The following PAMR1 variants were observed in gnomAD, a reference collection of about 807,000 sequenced individuals.
The protein encoded by PAMR1 is peptidase domain containing associated with muscle regeneration 1, also known as inactive serine protease PAMR1.
PAMR1 carries 88 observed loss-of-function variants against 81.8 expected under a neutral mutation model. The ratio of observed to expected loss-of-function variants is 1.08; its 90% CI spans 0.91 to 1.28. The LOEUF is 1.28. Among genes scored for constraint, PAMR1 ranks in the 50% most tolerant of loss-of-function variants. PAMR1 has a pLI of 0.00. For synonymous variants in PAMR1, 336 were observed against 345.3 expected (o/e 0.97, Z 0.30); for missense variants, 935 against 919.7 (o/e 1.02, Z -0.21).
intron 6 of PAMR1, among the ~76,000 whole-genome samples, chr11:35,461,767 C>T (rs1214939042): frequency 6.6e-6 from 1 of 152,118 alleles, no homozygotes. Flanking sequence ...ATTACAGATT[C>T]ATTTCATATT....
intron 9 of PAMR1, among the ~76,000 whole-genome samples, chr11:35,435,232 T>C (rs1425758607): frequency 6.6e-6 from 1 of 152,178 alleles, no homozygotes; most frequent in Non-Finnish European, 1.5e-5. Flanking sequence ...CTAAATCATA[T>C]TGTTCTCCTT....
intron 3 of PAMR1, among the ~76,000 whole-genome samples, chr11:35,488,257 T>G (rs1337292604): frequency 1.3e-5 from 2 of 149,382 alleles, no homozygotes; most frequent in African/African-American, 5.0e-5. Context: ...GCTCTGTTGT[T>G]TAGGCTGGAA....
intron 1 of PAMR1, among the ~76,000 whole-genome samples, chr11:35,506,993 T>G (rs569777919): frequency 4.0e-5 from 6 of 151,242 alleles, no homozygotes; most frequent in Non-Finnish European, 8.8e-5. Context: ...CAAATCATCT[T>G]TGTTCCTTTT....
intron 8 of PAMR1, among the ~76,000 whole-genome samples, chr11:35,436,472 A>G (rs1384616584): frequency 6.6e-6 from 1 of 152,072 alleles, no homozygotes; most frequent in Non-Finnish European, 1.5e-5. Flanking sequence ...TGTAGTAGAG[A>G]TGGGTTTTCA....
At chr11:35,462,718 A>G (rs539867341) in intron 6 of PAMR1, among the ~76,000 whole-genome samples, 20 of 152,316 alleles carry the variant, frequency 1.3e-4, no homozygotes, top group African/African-American at 4.8e-4. Context: ...AAACACCCTA[A>G]GAGGAATTTG....
At position 35,468,080 on chromosome 11, in the gene PAMR1, G is replaced by A. The variant is rs564405139; in HGVS notation, c.741C>T (p.Asp247=). The A allele has an allele frequency of 1.1e-4, 178 of 1,555,188 alleles. No homozygotes were observed. Among genetic ancestry groups the A allele is most frequent in the African/African-American group, 5.2e-4 (38 of 73,544 alleles). The change falls in exon 6 of 11, where the codon GAC becomes GAT. Residue 247 remains aspartate, a synonymous_variant. Coordinates refer to ENST00000619888, the MANE Select transcript of PAMR1 (RefSeq NM_001001991.3). Reference sequence around the variant, plus strand: ...CAGCCTTGTCAAGGACGCACGTGCCGTCATGGAAACAAGGGGATGAGGAGC... The same window carrying A: ...CAGCCTTGTCAAGGACGCACGTGCCATCATGGAAACAAGGGGATGAGGAGC... ...TACSSSPCFH[D]GTCVLDKAGS... is the part of the protein sequence containing the mutation.
intron 3 of PAMR1, among the ~76,000 whole-genome samples, chr11:35,477,906 C>T (rs1261501893): frequency 6.6e-6 from 1 of 152,180 alleles, no homozygotes; most frequent in Non-Finnish European, 1.5e-5. Context: ...ACACCTCACA[C>T]TCCTCATCGC....
chr11:35,473,709 C>T (rs1337166851), intron 4 of PAMR1, among the ~76,000 whole-genome samples: 1 of 152,160 alleles, frequency 6.6e-6, no homozygotes, highest in Admixed American at 6.5e-5. Context: ...GACAGAGAGA[C>T]ATTCAAGGAG....
rs142565085 is a variant in PAMR1, at chr11:35,457,977, C to T, written c.820+10024G>A. The stretch of plus-strand genomic sequence containing the variant: ...ATTTGCCCACCTATAGGAGCCTGTG[C>T]ACCCTGAGAGCCAAAGAAAGCCTCA... On this transcript the variant is annotated intron_variant, in intron 6 of 10. Coordinates refer to ENST00000619888, the MANE Select transcript of PAMR1 (RefSeq NM_001001991.3). 1.9e-3 allele frequency among the ~76,000 whole-genome samples: 288 copies of T among 152,218 alleles called. 3 individuals carry two copies. The highest frequency in any genetic ancestry group is 7.5e-3 in the East Asian group (39 of 5,184).
At chr11:35,491,057 C>T (rs975183516) in intron 3 of PAMR1, among the ~76,000 whole-genome samples, 15 of 152,148 alleles carry the variant, frequency 9.9e-5, no homozygotes, top group African/African-American at 1.7e-4. Context: ...ATTAAATTTA[C>T]GAGAAACCAC....
intron 4 of PAMR1, among the ~76,000 whole-genome samples, chr11:35,471,038 C>T (rs1314720844): frequency 1.3e-5 from 2 of 152,158 alleles, no homozygotes; most frequent in Non-Finnish European, 2.9e-5. Context: ...CAAGTGCCTG[C>T]CCAGGTGGAG....
chr11:35,487,667 C>T (rs931884575), intron 3 of PAMR1, among the ~76,000 whole-genome samples: 6 of 152,186 alleles, frequency 3.9e-5, no homozygotes, highest in African/African-American at 1.4e-4. Context: ...GCCCCAACCT[C>T]ACTTCTACTC....
chr11:35,490,937 G>A (rs971211302), intron 3 of PAMR1, among the ~76,000 whole-genome samples: 1 of 152,154 alleles, frequency 6.6e-6, no homozygotes, highest in Non-Finnish European at 1.5e-5. Context: ...TCATTCTAGA[G>A]CTTGTATTCT....
chr11:35,514,878 A>G (rs1022040758), intron 1 of PAMR1, among the ~76,000 whole-genome samples: 1 of 152,048 alleles, frequency 6.6e-6, no homozygotes, highest in African/African-American at 2.4e-5. Flanking sequence ...GGTGGTACAC[A>G]ACTGTGGTCC....
Position 35,525,465 on chromosome 11 carries a change from C to T in PAMR1, c.73+48G>A, listed in dbSNP as rs113841089. The T allele has an allele frequency of 1.4e-3, 2,137 of 1,499,500 alleles. 24 individuals carry two copies. In the African/African-American group the frequency reaches 0.023, roughly 16 times the overall value. 92.9% of individuals were successfully genotyped at this position (1,499,500 alleles called of 1,614,324 possible). Reference sequence around the variant, plus strand: ...AGGCAGACCCCAGGAGGAAAATGCTCCCTCCTAGGGTGTCCTCCTAGGGTG... The same window carrying T: ...AGGCAGACCCCAGGAGGAAAATGCTTCCTCCTAGGGTGTCCTCCTAGGGTG... On this transcript the variant is annotated intron_variant, in intron 1 of 10. Transcript: ENST00000619888.
In PAMR1 at chr11:35,525,556, C is replaced by T. The variant is rs1851370355; in HGVS notation, c.30G>A (p.Gly10=). The change falls in exon 1 of 11, where the codon GGG becomes GGA. Residue 10 remains glycine (G), a synonymous_variant. Coordinates refer to ENST00000619888, the MANE Select transcript of PAMR1 (RefSeq NM_001001991.3). ...TGAGAAGGAGCTGAAGAAAAGTGAG[C>T]CCCAACTGCGTCCAGCAACCCAGCT... The part of the protein sequence containing the change: MELGCWTQL[G]LTFLQLLLIS... 1.2e-6 allele frequency: 2 copies of T among 1,613,904 alleles called. No individual in the cohort carries two copies. The highest frequency in any genetic ancestry group is 1.1e-5 in the South Asian group (1 of 91,048).
intron 6 of PAMR1, among the ~76,000 whole-genome samples, chr11:35,464,597 A>G (rs1249431830): frequency 6.6e-6 from 1 of 152,192 alleles, no homozygotes; most frequent in African/African-American, 2.4e-5. Flanking sequence ...CCCTGTGAGT[A>G]GAGATGGAGA....
chr11:35,451,922 CT>C (rs1264564874), intron 6 of PAMR1: 2 of 699,914 alleles, frequency 2.9e-6, no homozygotes, highest in African/African-American at 3.5e-5. Flanking sequence ...TGATCTTGGA[CT>C]TCCCAGCCTC....
At chr11:35,477,914 CG>C (rs1263798417) in intron 3 of PAMR1, among the ~76,000 whole-genome samples, 3 of 152,156 alleles carry the variant, frequency 2.0e-5, no homozygotes, top group Non-Finnish European at 4.4e-5. Context: ...CACTCCTCAT[CG>C]CCCCCATCTA....
Sources: gnomAD v4.1 joint callset for allele counts (sites outside exome capture counted in the v4.1 genomes callset) on GRCh38, gnomAD v4.1.1 for gene constraint, MANE v1.5 for transcripts, NCBI Gene and HGNC (gene_info 2026-07-23, HGNC 2026-07-21) for gene names.